Variants in PTPRD observed in about 807,000 individuals in gnomAD.
PTPRD encodes the protein receptor-type tyrosine-protein phosphatase delta.
A neutral mutation model predicts 214.5 loss-of-function variants in PTPRD; 34 were observed. The observed-to-expected ratio is 0.16, with a 90% CI of 0.12 to 0.21. PTPRD has a LOEUF of 0.21. PTPRD is among the 10% of genes least tolerant of loss of function. The pLI is 1.00. For missense variants in PTPRD, 2,545 were observed against 2,398.7 expected (o/e 1.06, Z -1.27); for synonymous variants, 1,128 against 845.7 (o/e 1.33, Z -5.79).
intron 3 of PTPRD, among the ~76,000 whole-genome samples, chr9:10,102,569 A>G (rs1021462577): frequency 2.0e-5 from 3 of 151,484 alleles, no homozygotes; most frequent in Non-Finnish European, 4.4e-5. Flanking sequence ...ATACTCATAA[A>G]TAAAATAGTA....
chr9:10,142,660 C>T (rs1409072139), intron 3 of PTPRD, among the ~76,000 whole-genome samples: 1 of 148,428 alleles, frequency 6.7e-6, no homozygotes, highest in Non-Finnish European at 1.5e-5. Context: ...AATAGGAACA[C>T]TTTTACACTG....
chr9:8,621,948 T>G (rs2095840044), intron 14 of PTPRD, among the ~76,000 whole-genome samples: 1 of 151,956 alleles, frequency 6.6e-6, no homozygotes, highest in Non-Finnish European at 1.5e-5. Context: ...TTAAAATGCC[T>G]AAACTACCAT....
chr9:8,780,541 C>T (rs528001475), intron 11 of PTPRD, among the ~76,000 whole-genome samples: 1 of 152,092 alleles, frequency 6.6e-6, no homozygotes, highest in Non-Finnish European at 1.5e-5. Flanking sequence ...AGAAGTCTAA[C>T]AAAAAATGTC....
intron 9 of PTPRD, among the ~76,000 whole-genome samples, chr9:9,188,817 TG>T (rs2099933283): frequency 7.3e-6 from 1 of 137,304 alleles, no homozygotes; most frequent in African/African-American, 3.2e-5. Flanking sequence ...ATTGTGTGTG[TG>T]TGTGTGTGTG....
At chr9:10,495,294 A>C (rs1178941672) in intron 2 of PTPRD, among the ~76,000 whole-genome samples, 1 of 151,818 alleles carries the variant, frequency 6.6e-6, no homozygotes, top group Non-Finnish European at 1.5e-5. Context: ...AAGTCAAGTC[A>C]GAAATCACTC....
chr9:9,677,728 G>T (rs528173613), intron 7 of PTPRD, among the ~76,000 whole-genome samples: 2 of 152,112 alleles, frequency 1.3e-5, no homozygotes, highest in African/African-American at 4.8e-5. Context: ...GGGCTATCAG[G>T]CAGGAGAAGG....
At chr9:8,930,326 G>A (rs1274002692) in intron 11 of PTPRD, among the ~76,000 whole-genome samples, 1 of 152,034 alleles carries the variant, frequency 6.6e-6, no homozygotes, top group Non-Finnish European at 1.5e-5. Context: ...ATTCCATGGT[G>A]TATATGTGCC....
chr9:10,260,976 GTGTATATATA>G (rs1222496449), intron 3 of PTPRD, among the ~76,000 whole-genome samples: 4 of 147,608 alleles, frequency 2.7e-5, no homozygotes, highest in African/African-American at 1.0e-4. Context: ...ATATATATGT[GTGTATATATA>G]TGTATATATA....
At chr9:9,044,516 C>T (rs889676710) in intron 10 of PTPRD, among the ~76,000 whole-genome samples, 3 of 152,186 alleles carry the variant, frequency 2.0e-5, no homozygotes, top group African/African-American at 7.2e-5. Context: ...ATTTTGTGAA[C>T]ACTAACTAGT....
chr9:10,465,297 G>T (rs116803364), intron 2 of PTPRD, among the ~76,000 whole-genome samples: 1 of 152,024 alleles, frequency 6.6e-6, no homozygotes, highest in Non-Finnish European at 1.5e-5. Flanking sequence ...CACACTAGCC[G>T]CAACAAAGTT....
At chr9:9,625,585 G>T (rs2095401304) in intron 7 of PTPRD, among the ~76,000 whole-genome samples, 1 of 150,786 alleles carries the variant, frequency 6.6e-6, no homozygotes, top group Non-Finnish European at 1.5e-5. Flanking sequence ...GTGAGGGGAG[G>T]ATGGGACTCA....
rs147750306 is a variant in PTPRD, at chr9:9,517,948, A to G, written c.-237+56784T>C. Among the ~76,000 whole-genome samples the G allele has an allele frequency of 4.1e-3, 620 of 152,166 alleles. 2 individuals are homozygous for G. Among genetic ancestry groups the G allele is most frequent in the African/African-American group, 0.014 (584 of 41,566 alleles). Reference sequence around the variant, plus strand: ...GTTGTATATGCAGAAATATACTTTAAAAGTTAAAATTATTAATTTTTGGGT... The same window carrying G: ...GTTGTATATGCAGAAATATACTTTAGAAGTTAAAATTATTAATTTTTGGGT... On this transcript the variant is annotated intron_variant, in intron 8 of 45. Coordinates refer to ENST00000381196, the MANE Select transcript of PTPRD (RefSeq NM_002839.4).
At chr9:9,246,539 T>A (rs552784077) in intron 9 of PTPRD, among the ~76,000 whole-genome samples, 124 of 152,196 alleles carry the variant, frequency 8.1e-4, no homozygotes, top group Admixed American at 2.7e-3. Flanking sequence ...CTAGAAATCT[T>A]CTCAACTGGC....
chr9:9,703,581 A>G (rs1034819999), intron 7 of PTPRD, among the ~76,000 whole-genome samples: 2 of 152,148 alleles, frequency 1.3e-5, no homozygotes, highest in African/African-American at 4.8e-5. Flanking sequence ...TTTGAGAAAC[A>G]TTGATGCATA....
rs566042243 is a variant in PTPRD at position 9,910,760 on chromosome 9, T to C, written c.-368+27747A>G. Reference sequence around the variant, plus strand: ...GAGTTTCTTAAAATATCGGATGAAATTATTAAGCAGGTAACTGTTTTCCAA... The same window carrying C: ...GAGTTTCTTAAAATATCGGATGAAACTATTAAGCAGGTAACTGTTTTCCAA... On this transcript the variant is annotated intron_variant, in intron 5 of 45. Transcript: ENST00000381196. Among the ~76,000 whole-genome samples the C allele has an allele frequency of 4.1e-4, 63 of 152,138 alleles. 1 individual carries two copies. The highest frequency in any genetic ancestry group is 1.4e-3 in the African/African-American group (58 of 41,554).
chr9:10,363,103 G>T (rs748490510), intron 2 of PTPRD, among the ~76,000 whole-genome samples: 1 of 152,088 alleles, frequency 6.6e-6, no homozygotes, highest in Non-Finnish European at 1.5e-5. Flanking sequence ...TTATCTATCT[G>T]TTGCTAATCT....
At chr9:9,606,929 C>G (rs2094193499) in intron 7 of PTPRD, among the ~76,000 whole-genome samples, 1 of 115,252 alleles carries the variant, frequency 8.7e-6, no homozygotes, top group Non-Finnish European at 1.6e-5. Context: ...ATCTGGAAAG[C>G]TAATTTTGGT....
rs967903385 is a variant in PTPRD, at chr9:8,316,943, TATAC to T, written c.*927_*930del. 2 of 231,448 alleles carry T rather than the reference TATAC, an allele frequency of 8.6e-6. No homozygotes were observed. Among genetic ancestry groups the T allele is most frequent in the African/African-American group, 4.4e-5 (2 of 45,194 alleles). 14.3% of individuals were successfully genotyped at this position (231,448 alleles called of 1,614,324 possible). A position where few individuals can be genotyped will look rare whatever the true frequency, so the allele number is the denominator to read the frequency against. On this transcript the variant is annotated 3_prime_UTR_variant, in exon 46 of 46. Transcript: ENST00000381196. ...TTTTTGTGTGGACACACTGTCTATA[TATAC>T]ATAGACACCCTTATAAAATATGGAT...
At chr9:10,044,931 T>C (rs898920435) in intron 3 of PTPRD, among the ~76,000 whole-genome samples, 1 of 151,754 alleles carries the variant, frequency 6.6e-6, no homozygotes, top group South Asian at 2.1e-4. Context: ...ATGAGTCATT[T>C]CAATGAGAGT....
Sources: allele counts gnomAD v4.1 joint callset (sites outside exome capture counted in the v4.1 genomes callset), GRCh38; gene constraint gnomAD v4.1.1; transcripts MANE v1.5; gene names NCBI Gene and HGNC (gene_info 2026-07-23, HGNC 2026-07-21).